Variants in CRPPA observed in about 807,000 individuals in gnomAD.
CRPPA encodes the protein D-ribitol-5-phosphate cytidylyltransferase.
CRPPA carries 43 observed loss-of-function variants against 52.0 expected under a neutral mutation model. The observed-to-expected ratio is 0.83, with a 90% confidence interval of 0.65 to 1.07. The LOEUF (loss-of-function observed/expected upper bound fraction) is 1.07. Ranked by LOEUF, CRPPA falls within the 50% of genes least tolerant of loss-of-function variation. The probability of loss-of-function intolerance (pLI) is 0.00; values close to 1 mark genes in which losing one functional copy is unlikely to be tolerated. For missense variants in CRPPA, 629 were observed against 551.7 expected (o/e 1.14, Z -1.40); for synonymous variants, 250 against 203.5 (o/e 1.23, Z -1.94).
rs1459612578 is a variant in CRPPA, at chr7:16,216,213, G to C, written c.1120-16C>G. The C allele has an allele frequency of 6.6e-7, 1 of 1,516,618 alleles. No homozygotes were observed. The highest frequency in any genetic ancestry group is 9.0e-7 in the Non-Finnish European group (1 of 1,112,526). 93.9% of individuals were successfully genotyped at this position (1,516,618 alleles called of 1,614,324 possible). On this transcript the variant is annotated splice_polypyrimidine_tract_variant and intron_variant, in intron 8 of 9. Transcript: ENST00000407010. Reference sequence around the variant, plus strand: ...GAAAATGAACCTGCAAAATATAAAAGACAGTATTTAGAATATCATTCCCTT... The same window carrying C: ...GAAAATGAACCTGCAAAATATAAAACACAGTATTTAGAATATCATTCCCTT...
intron 1 of CRPPA, among the ~76,000 whole-genome samples, chr7:16,415,624 TAAGTTCTACCTGAACTG>T (rs896570564): frequency 9.2e-5 from 14 of 152,322 alleles, no homozygotes; most frequent in African/African-American, 3.1e-4. Context: ...TCCTGAGAAG[TAAGTTCTACCTGAACTG>T]AAGTTCTACC....
chr7:16,258,746 C>T (rs962415666), intron 7 of CRPPA, among the ~76,000 whole-genome samples, 174 bp downstream of exon 7: 7 of 152,006 alleles, frequency 4.6e-5, no homozygotes, highest in African/African-American at 1.7e-4. Flanking sequence ...TACCACTCTT[C>T]TCATTATGGG....
intron 3 of CRPPA, among the ~76,000 whole-genome samples, chr7:16,324,552 C>T (rs1162972428): frequency 1.3e-5 from 2 of 152,210 alleles, no homozygotes; most frequent in African/African-American, 2.4e-5. Flanking sequence ...AGTTAGACCT[C>T]AGCAACAACA....
intron 9 of CRPPA, among the ~76,000 whole-genome samples, chr7:16,165,526 G>A (rs547831207): frequency 6.6e-5 from 10 of 152,282 alleles, no homozygotes; most frequent in African/African-American, 2.4e-4. Context: ...AATAATATAA[G>A]ACCATATATG....
At chr7:16,365,272 G>T (rs537578140) in intron 3 of CRPPA, among the ~76,000 whole-genome samples, 1 of 152,334 alleles carries the variant, frequency 6.6e-6, no homozygotes, top group South Asian at 2.1e-4. Context: ...TGAACTCTCA[G>T]TCTTAGAACA....
intron 5 of CRPPA, among the ~76,000 whole-genome samples, chr7:16,287,878 T>A (rs1214638926): frequency 4.0e-5 from 5 of 123,504 alleles, no homozygotes; most frequent in Non-Finnish European, 7.9e-5. Flanking sequence ...GCCAAGATTG[T>A]ACCACTGTAC....
At chr7:16,383,887 G>A (rs148871169) in intron 2 of CRPPA, among the ~76,000 whole-genome samples, 65 of 152,296 alleles carry the variant, frequency 4.3e-4, no homozygotes, top group African/African-American at 1.4e-3. Flanking sequence ...AATTTTCCAG[G>A]TGCCGTCTGT....
At chr7:16,179,751 A>T (rs1440055738) in intron 9 of CRPPA, among the ~76,000 whole-genome samples, 1 of 152,080 alleles carries the variant, frequency 6.6e-6, no homozygotes, top group Non-Finnish European at 1.5e-5. Context: ...CAACAGCAAC[A>T]CGAAACTGAT....
chr7:16,356,210 C>T (rs1270240639), intron 3 of CRPPA, among the ~76,000 whole-genome samples: 1 of 152,162 alleles, frequency 6.6e-6, no homozygotes, highest in African/African-American at 2.4e-5. Context: ...AAATTATTAA[C>T]ATGTAAGTTG....
At chr7:16,384,856 ACC>A (rs1404628342) in intron 2 of CRPPA, among the ~76,000 whole-genome samples, 2 of 152,202 alleles carry the variant, frequency 1.3e-5, no homozygotes, top group Non-Finnish European at 2.9e-5. Flanking sequence ...AGAAGGCCCC[ACC>A]CATATATCAA....
At chr7:16,350,475 C>G (rs973994126) in intron 3 of CRPPA, among the ~76,000 whole-genome samples, 2 of 152,000 alleles carry the variant, frequency 1.3e-5, no homozygotes, top group East Asian at 3.9e-4. Flanking sequence ...TAAATTTTGA[C>G]ATCAAAAACA....
At chr7:16,384,255 G>A (rs1787196466) in intron 2 of CRPPA, among the ~76,000 whole-genome samples, 1 of 152,048 alleles carries the variant, frequency 6.6e-6, no homozygotes, top group Non-Finnish European at 1.5e-5. Flanking sequence ...TCTCCCAAAG[G>A]GAACTCACTT....
intron 6 of CRPPA, among the ~76,000 whole-genome samples, chr7:16,277,705 C>T (rs1464637394): frequency 2.0e-5 from 3 of 152,156 alleles, no homozygotes; most frequent in Admixed American, 6.5e-5. Context: ...TTCACATTTA[C>T]TCGCTTTTCC....
intron 9 of CRPPA, among the ~76,000 whole-genome samples, chr7:16,185,301 TGAGAACAGTATGGGG>T (rs1583415055): frequency 6.6e-6 from 1 of 152,098 alleles, no homozygotes; most frequent in East Asian, 1.9e-4. Context: ...TTCACTACCA[TGAGAACAGTATGGGG>T]GAAACCACCC....
intron 9 of CRPPA, among the ~76,000 whole-genome samples, chr7:16,154,384 C>G: frequency 6.6e-6 from 1 of 152,028 alleles, no homozygotes; most frequent in South Asian, 2.1e-4. Context: ...TGTGTGTTCC[C>G]CTCTCTGTGT....
chr7:16,286,605 G>A (rs1784455965), intron 5 of CRPPA, among the ~76,000 whole-genome samples: 1 of 151,894 alleles, frequency 6.6e-6, no homozygotes, highest in Admixed American at 6.6e-5. Flanking sequence ...TCTCCAATAA[G>A]GTCCACCTCA....
chr7:16,180,433 T>C (rs1188126019), intron 9 of CRPPA, among the ~76,000 whole-genome samples: 9 of 152,092 alleles, frequency 5.9e-5, no homozygotes, highest in Admixed American at 5.2e-4. Context: ...GCAACAAATA[T>C]ATTATATGAG....
chr7:16,337,311 A>G (rs1384277420), intron 3 of CRPPA, among the ~76,000 whole-genome samples: 1 of 152,184 alleles, frequency 6.6e-6, no homozygotes, highest in Non-Finnish European at 1.5e-5. Flanking sequence ...AACAGTTGAA[A>G]TCATGGAAAA....
intron 9 of CRPPA, among the ~76,000 whole-genome samples, chr7:16,128,970 A>G (rs1782632290): frequency 6.6e-6 from 1 of 152,216 alleles, no homozygotes; most frequent in Non-Finnish European, 1.5e-5. Context: ...TCTGTTCCAA[A>G]CAAGAAATGT....
Sources: gnomAD v4.1 joint callset for allele counts (sites outside exome capture counted in the v4.1 genomes callset) on GRCh38, gnomAD v4.1.1 for gene constraint, MANE v1.5 for transcripts, NCBI Gene and HGNC (gene_info 2026-07-23, HGNC 2026-07-21) for gene names.